EP400: variants seen among roughly 807,000 people sequenced by gnomAD.
The protein encoded by EP400 is E1A-binding protein p400.
In EP400, 105 loss-of-function variants were observed where a neutral mutation model predicts 354.1. That is an observed-to-expected ratio of 0.30 (90% confidence interval 0.25 to 0.35). EP400 has a LOEUF of 0.35. EP400 is among the 10% of genes least tolerant of loss of function. The pLI is 1.00. For synonymous variants in EP400, 1,646 were observed against 1,716.9 expected (o/e 0.96, Z 1.02); for missense variants, 3,280 against 4,121.0 (o/e 0.80, Z 5.59).
chr12:131,952,316 A>G (rs1891537736), intron 1 of EP400, among the ~76,000 whole-genome samples: 2 of 149,128 alleles, frequency 1.3e-5, no homozygotes, highest in South Asian at 2.1e-4. Context: ...AAAAAAAAAA[A>G]AAAAAAAAAG....
At chr12:132,006,938 G>A (rs1181693143) in intron 15 of EP400, 61 bp downstream of exon 15, 1 of 1,582,196 alleles carries the variant, frequency 6.3e-7, no homozygotes, top group East Asian at 2.2e-5. Context: ...ATAGGCCAGT[G>A]TGTTTGATGG....
At chr12:131,953,244 G>A (rs1237872996) in intron 1 of EP400, among the ~76,000 whole-genome samples, 2 of 152,152 alleles carry the variant, frequency 1.3e-5, no homozygotes, top group Non-Finnish European at 2.9e-5. Context: ...GTTCCTTAGC[G>A]GGGCCGTGGA....
intron 19 of EP400, among the ~76,000 whole-genome samples, chr12:132,015,649 CT>C (rs1275021595): frequency 6.6e-6 from 1 of 152,204 alleles, no homozygotes; most frequent in Non-Finnish European, 1.5e-5. Flanking sequence ...TCTTATTCTG[CT>C]GGTCTTAGGC....
intron 39 of EP400, among the ~76,000 whole-genome samples, chr12:132,047,695 G>A (rs1895153413): frequency 6.6e-6 from 1 of 152,144 alleles, no homozygotes. Flanking sequence ...ATGAAGTTTC[G>A]GGCAGGCACT....
intron 1 of EP400, among the ~76,000 whole-genome samples, chr12:131,958,860 G>T (rs189384401): frequency 7.9e-5 from 12 of 152,284 alleles, no homozygotes; most frequent in Admixed American, 5.2e-4. Context: ...TTAAAAATCC[G>T]TTGTCCATTT....
intron 2 of EP400, among the ~76,000 whole-genome samples, chr12:131,976,851 A>G (rs1447226735): frequency 6.6e-6 from 1 of 152,066 alleles, no homozygotes; most frequent in Non-Finnish European, 1.5e-5. Context: ...GTTTAGGTGG[A>G]GGTTAGGGAG....
In EP400 at chr12:131,981,528, G is replaced by A. The variant is rs770570595; in HGVS notation, c.1475G>A (p.Gly492Glu). The change falls in exon 4 of 53, where the codon GGG becomes GAG. Residue 492 changes from glycine to glutamate, a missense_variant. Physicochemically the swap from Gly to Glu is moderately conservative, Grantham distance 98 (BLOSUM62 -2). Around this residue, in one of 20 missense-constraint regions of EP400, gnomAD observed 800 missense variants for 840.0 expected, o/e 0.95. Coordinates refer to ENST00000389561, the MANE Select transcript of EP400 (RefSeq NM_015409.5). ...CCTCGCCTTGAAGTGGGTCACCAAG[G>A]GGTAGTTTTCCAGCACCCAGGGGCG... ...KRPRLEVGHQ[G>E]VVFQHPGADA... is the part of the protein sequence containing the mutation. The A allele has an allele frequency of 6.3e-7, 1 of 1,597,568 alleles. No homozygotes were observed. Among genetic ancestry groups the A allele is most frequent in the South Asian group, 1.1e-5 (1 of 87,742 alleles).
intron 2 of EP400, among the ~76,000 whole-genome samples, chr12:131,968,150 A>G (rs1210386524): frequency 6.6e-6 from 1 of 152,090 alleles, no homozygotes; most frequent in East Asian, 1.9e-4. Context: ...TTTGCTTTTG[A>G]TGCCATATCT....
chr12:132,045,006 C>A (rs1895038985), intron 37 of EP400, 53 bp downstream of exon 37: 3 of 1,598,184 alleles, frequency 1.9e-6, no homozygotes, highest in South Asian at 2.2e-5. Context: ...CCTGCAGAAT[C>A]CCTGCATGTC....
intron 30 of EP400, among the ~76,000 whole-genome samples, chr12:132,032,975 T>A (rs1348006628): frequency 6.6e-6 from 1 of 151,720 alleles, no homozygotes; most frequent in Non-Finnish European, 1.5e-5. Context: ...GAGACGGAGT[T>A]TCGCTCTTGT....
In EP400 at chr12:132,045,493, A is replaced by G. The variant is rs1895062962; in HGVS notation, c.6959A>G (p.Lys2320Arg). 6.2e-7 allele frequency: 1 copy of G among 1,614,182 alleles called. No individual in the cohort carries two copies. Among genetic ancestry groups the G allele is most frequent in the South Asian group, 1.1e-5 (1 of 91,076 alleles). ...GCCAAGCCCCTGCCAACTTTTGCCA[A>G]ACCCACAGCTGAGCCTGGTCAAGAC... ...PFAKPLPTFA[K>R]PTAEPGQDNP... is the part of the protein sequence containing the mutation. The change falls in exon 38 of 53, where the codon AAA becomes AGA. Residue 2320 changes from lysine (K) to arginine (R), a missense_variant. Physicochemically the swap from Lys to Arg is conservative, Grantham distance 26 (BLOSUM62 2). Transcript: ENST00000389561.
At chr12:132,053,068 T>G in intron 41 of EP400, 78 bp from the exon 42 acceptor site, 1 of 1,467,692 alleles carries the variant, frequency 6.8e-7, no homozygotes, top group Non-Finnish European at 9.5e-7. Context: ...CCTGGCAGCA[T>G]GGTGTTTCTA....
intron 7 of EP400, 37 bp downstream of exon 7, chr12:131,987,927 G>A (rs770482752): frequency 9.1e-5 from 138 of 1,524,058 alleles, no homozygotes; most frequent in East Asian, 2.7e-4. Context: ...TGCTGTGTGC[G>A]TTGGTGGGGG....
intron 39 of EP400, among the ~76,000 whole-genome samples, chr12:132,049,177 C>T (rs1159129743): frequency 1.3e-5 from 2 of 152,228 alleles, no homozygotes; most frequent in African/African-American, 4.8e-5. Context: ...GCAAGCCATG[C>T]GGGGCGGGGC....
At chr12:132,073,927 T>TG (rs982948958) in intron 51 of EP400, among the ~76,000 whole-genome samples, 4 of 127,910 alleles carry the variant, frequency 3.1e-5, no homozygotes, top group East Asian at 4.2e-4. Flanking sequence ...GGGTTTTTTT[T>TG]TTTTTTTTTT....
In EP400 at chr12:131,986,457, G is replaced by A. The variant is rs537442724; in HGVS notation, c.1930-57G>A. ...TGTGGGCGCTCAGGTATTTGGCACC[G>A]TGGGCTGCCCCGACATCTTTTCTTC... On this transcript the variant is annotated intron_variant, in intron 5 of 52. Transcript: ENST00000389561. 3.2e-5 allele frequency: 49 copies of A among 1,524,514 alleles called. No individual in the cohort carries two copies. The Admixed American group carries it at 3.3e-4, about 10-fold the overall frequency. 94.4% of individuals were successfully genotyped at this position (1,524,514 alleles called of 1,614,324 possible).
chr12:131,969,878 T>G (rs1892231016), intron 2 of EP400, among the ~76,000 whole-genome samples: 1 of 151,988 alleles, frequency 6.6e-6, no homozygotes, highest in Non-Finnish European at 1.5e-5. Flanking sequence ...GGTGAAACAG[T>G]GTACTAAAAA....
At chr12:132,032,949 T>C (rs573540028) in intron 30 of EP400, among the ~76,000 whole-genome samples, 8 of 145,350 alleles carry the variant, frequency 5.5e-5, no homozygotes, top group African/African-American at 2.2e-4. Context: ...ATTATGTTTT[T>C]GTTTGTTTGT....
intron 2 of EP400, among the ~76,000 whole-genome samples, chr12:131,974,721 G>C (rs1394070623): frequency 6.6e-6 from 1 of 152,116 alleles, no homozygotes; most frequent in East Asian, 1.9e-4. Flanking sequence ...TTAAAGACAA[G>C]AGTATCTTCT....
Sources: gnomAD v4.1 joint callset for allele counts (sites outside exome capture counted in the v4.1 genomes callset) on GRCh38, gnomAD v4.1.1 for gene constraint, gnomAD v4.1.1 regional missense constraint, MANE v1.5 for transcripts, NCBI Gene and HGNC (gene_info 2026-07-23, HGNC 2026-07-21) for gene names.